The following ZNF385D variants were observed in gnomAD, a reference collection of about 807,000 sequenced individuals.
ZNF385D encodes zinc finger protein 385D.
In ZNF385D, 15 loss-of-function variants were observed where a neutral mutation model predicts 35.8. The observed-to-expected ratio is 0.42, with a 90% CI of 0.28 to 0.64. The LOEUF (loss-of-function observed/expected upper bound fraction) is 0.64, where lower values mean the gene tolerates loss of function less well. ZNF385D is among the 30% of genes least tolerant of loss of function. ZNF385D has a pLI of 0.23. For synonymous variants in ZNF385D, 212 were observed against 186.8 expected, an observed-to-expected ratio of 1.13 and a Z score of -1.10; for missense variants, 474 against 494.6, an observed-to-expected ratio of 0.96 and a Z score of 0.39.
intron 2 of ZNF385D, among the ~76,000 whole-genome samples, chr3:21,565,201 A>ATGTT (rs1171000840): frequency 2.6e-5 from 4 of 152,038 alleles, no homozygotes; most frequent in Non-Finnish European, 5.9e-5. Flanking sequence ...ACATATGGAG[A>ATGTT]TGTTAATTAA....
intron 4 of ZNF385D, among the ~76,000 whole-genome samples, chr3:21,505,461 G>A (rs192059): frequency 0.17 from 25,893 of 152,066 alleles, 2,280 homozygotes; most frequent in Admixed American, 0.25. Context: ...ACCCCTACAC[G>A]TAGAGAGTAA....
At chr3:21,899,862 T>G (rs1294062635) in intron 3 of ZNF385D, among the ~76,000 whole-genome samples, 1 of 152,138 alleles carries the variant, frequency 6.6e-6, no homozygotes, top group Non-Finnish European at 1.5e-5. Flanking sequence ...ATCAGAAAAG[T>G]TGAAGTCTTG....
At chr3:21,901,978 T>C (rs1699438363) in intron 3 of ZNF385D, among the ~76,000 whole-genome samples, 1 of 152,116 alleles carries the variant, frequency 6.6e-6, no homozygotes, top group South Asian at 2.1e-4. Context: ...ATGGTCACAG[T>C]CTCTCTGTCC....
chr3:22,066,002 T>C (rs1699930877), intron 3 of ZNF385D, among the ~76,000 whole-genome samples: 1 of 151,838 alleles, frequency 6.6e-6, no homozygotes, highest in African/African-American at 2.4e-5. Flanking sequence ...TTCCTGAAAG[T>C]GAAAATTATC....
intron 3 of ZNF385D, among the ~76,000 whole-genome samples, chr3:21,847,770 C>T (rs1319659917): frequency 6.6e-6 from 1 of 151,980 alleles, no homozygotes; most frequent in Non-Finnish European, 1.5e-5. Context: ...CCTCTTATTC[C>T]TTTGCAATCA....
intron 3 of ZNF385D, among the ~76,000 whole-genome samples, chr3:21,835,726 T>C (rs571194028): frequency 6.6e-6 from 1 of 152,224 alleles, no homozygotes; most frequent in South Asian, 2.1e-4. Context: ...TGGGGAAAGA[T>C]GATACCTTTT....
Position 22,335,034 on chromosome 3 carries a change from C to T in ZNF385D, c.106+37416G>A, listed in dbSNP as rs1001432850. Among the ~76,000 whole-genome samples, 3 of 152,170 alleles carry T rather than the reference C, an allele frequency of 2.0e-5. No homozygotes were observed. The East Asian group carries it at 5.8e-4, about 29-fold the overall frequency. ...GCATTCTATGAGCCAAGTATAGTGC[C>T]AGGCACTGGAAAGATCAGAAATAAA... is the stretch of plus-strand genomic sequence containing the variant. On this transcript the variant is annotated intron_variant, in intron 2 of 5. Coordinates refer to the ZNF385D transcript ENST00000494108.
At chr3:21,941,803 A>ATTTAT (rs1424552963) in intron 3 of ZNF385D, among the ~76,000 whole-genome samples, 1 of 134,080 alleles carries the variant, frequency 7.5e-6, no homozygotes, top group East Asian at 2.5e-4. Context: ...GGCCTCTTTA[A>ATTTAT]TTTCTGTGTT....
At chr3:22,314,837 C>T (rs1019876344) in intron 2 of ZNF385D, among the ~76,000 whole-genome samples, 39 of 152,042 alleles carry the variant, frequency 2.6e-4, no homozygotes, top group Admixed American at 2.6e-4. Flanking sequence ...TATGTGGTTT[C>T]CTGGAGGTCA....
At chr3:21,750,473 C>A (rs769998940) in intron 1 of ZNF385D, among the ~76,000 whole-genome samples, 4 of 152,012 alleles carry the variant, frequency 2.6e-5, no homozygotes, top group Admixed American at 6.5e-5. Flanking sequence ...ACAAGAAAAA[C>A]CAGCAAATAC....
intron 3 of ZNF385D, among the ~76,000 whole-genome samples, chr3:21,778,439 C>T (rs939263334): frequency 1.3e-5 from 2 of 151,868 alleles, no homozygotes; most frequent in Non-Finnish European, 2.9e-5. Context: ...AGGCAAGTCC[C>T]ATTTCCTATT....
intron 3 of ZNF385D, among the ~76,000 whole-genome samples, chr3:21,518,107 T>C (rs1295695286): frequency 6.6e-6 from 1 of 152,200 alleles, no homozygotes; most frequent in East Asian, 1.9e-4. Flanking sequence ...AAAGTGGCCA[T>C]TTCTTTTGGC....
intron 3 of ZNF385D, among the ~76,000 whole-genome samples, chr3:21,814,045 A>G (rs2073046832): frequency 6.6e-6 from 1 of 152,190 alleles, no homozygotes; most frequent in Admixed American, 6.5e-5. Context: ...GGGGGCCAAT[A>G]TTCAACATTC....
intron 2 of ZNF385D, among the ~76,000 whole-genome samples, chr3:22,192,317 T>C (rs554900053): frequency 5.9e-5 from 9 of 152,278 alleles, no homozygotes; most frequent in Admixed American, 3.3e-4. Flanking sequence ...AGAAATCATA[T>C]TGTAGCCTGA....
chr3:21,888,697 G>T (rs773243495), intron 3 of ZNF385D, among the ~76,000 whole-genome samples: 1 of 152,076 alleles, frequency 6.6e-6, no homozygotes, highest in Non-Finnish European at 1.5e-5. Flanking sequence ...GGTAGAGGAG[G>T]AATATAAATG....
intron 4 of ZNF385D, among the ~76,000 whole-genome samples, chr3:21,471,654 C>A (rs1324565335): frequency 6.6e-6 from 1 of 152,090 alleles, no homozygotes; most frequent in Non-Finnish European, 1.5e-5. Flanking sequence ...TCGAGTTAAA[C>A]ATCAAAATAT....
At chr3:21,924,772 G>A (rs1049481546) in intron 3 of ZNF385D, among the ~76,000 whole-genome samples, 1 of 152,070 alleles carries the variant, frequency 6.6e-6, no homozygotes, top group Non-Finnish European at 1.5e-5. Flanking sequence ...CTGTAGAGAG[G>A]CATAGTAAGG....
At chr3:22,088,871 A>G (rs1701177059) in intron 3 of ZNF385D, among the ~76,000 whole-genome samples, 2 of 152,176 alleles carry the variant, frequency 1.3e-5, no homozygotes, top group Admixed American at 1.3e-4. Context: ...TGTGTTGCTC[A>G]TATACCTAAA....
In ZNF385D at chr3:22,001,944, G is replaced by C. The variant is rs746645404; in HGVS notation, c.325+166873C>G. ...CTAAATCCTATGCAATACAACAAAA[G>C]CAGTAAGAGGGAAGTTTATCACAAT... is the stretch of plus-strand genomic sequence containing the variant. On this transcript the variant is annotated intron_variant, in intron 3 of 5. Transcript: ENST00000494108. Among the ~76,000 whole-genome samples, 22 of 151,652 alleles carry C rather than the reference G, an allele frequency of 1.5e-4. No homozygotes were observed. In the Middle Eastern group the frequency reaches 0.014, roughly 94 times the overall value.
Sources: gnomAD v4.1 joint callset for allele counts (sites outside exome capture counted in the v4.1 genomes callset) on GRCh38, gnomAD v4.1.1 for gene constraint, MANE v1.5 for transcripts, NCBI Gene and HGNC (gene_info 2026-07-23, HGNC 2026-07-21) for gene names.